The following PRR14L variants were observed in gnomAD, a reference collection of about 807,000 sequenced individuals.
PRR14L encodes the protein proline rich 14 like.
A neutral mutation model predicts 155.0 loss-of-function variants in PRR14L; 80 were observed. That is an observed-to-expected ratio of 0.52 (90% confidence interval 0.43 to 0.62). PRR14L has a LOEUF of 0.62. PRR14L is among the 20% of genes least tolerant of loss of function. The pLI is 0.00. For synonymous variants in PRR14L, 883 were observed against 916.0 expected (o/e 0.96, Z 0.65); for missense variants, 2,469 against 2,548.0 (o/e 0.97, Z 0.67).
intron 7 of PRR14L, among the ~76,000 whole-genome samples, chr22:31,700,921 T>C (rs2074559719): frequency 2.6e-5 from 4 of 152,102 alleles, no homozygotes. Flanking sequence ...GAGAGACCAC[T>C]GTCAGGCTTC....
chr22:31,721,801 A>C (rs1308516174), intron 3 of PRR14L, among the ~76,000 whole-genome samples: 1 of 152,206 alleles, frequency 6.6e-6, no homozygotes, highest in African/African-American at 2.4e-5. Context: ...ATATACCCCC[A>C]AACCATGCAC....
At chr22:31,733,387 C>CTCCGCCTTCCACGT (rs131249) in intron 2 of PRR14L, among the ~76,000 whole-genome samples, 3 of 146,826 alleles carry the variant, frequency 2.0e-5, no homozygotes, top group Non-Finnish European at 3.0e-5. Context: ...TCACTGCAAC[C>CTCCGCCTTCCACGT]TCCGCCTTTG....
chr22:31,738,744 G>A lies in PRR14L; in HGVS notation c.117C>T (p.Asp39=), dbSNP rs757006242. ...PVSVSRELHA[D]PEPSVIPDVK... ...CATCTGGAATCACACTTGGCTCAGG[G>A]TCAGCATGAAGCTCTCTGGAGACAC... The change falls in exon 2 of 9, where the codon GAC becomes GAT. Residue 39 remains aspartate (D), a synonymous_variant. Coordinates refer to ENST00000327423, the MANE Select transcript of PRR14L (RefSeq NM_173566.3). 5 of 1,551,908 alleles carry A rather than the reference G, an allele frequency of 3.2e-6. No individual in the cohort carries two copies. In the South Asian group the frequency reaches 4.8e-5, roughly 15 times the overall value.
At chr22:31,687,061 G>A (rs911850565) in intron 8 of PRR14L, among the ~76,000 whole-genome samples, 2 of 152,082 alleles carry the variant, frequency 1.3e-5, no homozygotes, top group African/African-American at 4.8e-5. Context: ...TTTTGAGATG[G>A]AGTTTCGCTC....
intron 2 of PRR14L, among the ~76,000 whole-genome samples, chr22:31,737,149 T>C (rs1336369640): frequency 6.6e-6 from 1 of 150,938 alleles, no homozygotes; most frequent in African/African-American, 2.4e-5. Context: ...AACCACCCTG[T>C]GGAGAGAGTC....
At chr22:31,707,353 C>T (rs1468490172) in intron 4 of PRR14L, among the ~76,000 whole-genome samples, 2 of 147,726 alleles carry the variant, frequency 1.4e-5, no homozygotes, top group Non-Finnish European at 3.0e-5. Flanking sequence ...ATCCTAACCT[C>T]AGGAACAAAC....
chr22:31,708,890 A>T (rs990730264), intron 4 of PRR14L, among the ~76,000 whole-genome samples: 1 of 151,832 alleles, frequency 6.6e-6, no homozygotes, highest in Admixed American at 6.6e-5. Context: ...GCAATGGTGC[A>T]ATCTCGGCTC....
Position 31,698,783 on chromosome 22 carries a change from G to C in PRR14L, c.6107+2873C>G, listed in dbSNP as rs189906807. ...AAAAAATACAAAAAATTAGCCGGGC[G>C]TACTGGCGGGCGCCTGTAGTCCCAG... On this transcript the variant is annotated intron_variant, in intron 7 of 8. Coordinates refer to ENST00000327423, the MANE Select transcript of PRR14L (RefSeq NM_173566.3). Among the ~76,000 whole-genome samples the C allele has an allele frequency of 7.9e-4, 120 of 151,562 alleles. 1 individual carries two copies. The highest frequency in any genetic ancestry group is 1.5e-3 in the Non-Finnish European group (101 of 67,838).
chr22:31,690,119 A>G, intron 7 of PRR14L, among the ~76,000 whole-genome samples: 1 of 152,062 alleles, frequency 6.6e-6, no homozygotes, highest in East Asian at 1.9e-4. Context: ...GTATCACCAC[A>G]TTGGCCAGAC....
At chr22:31,698,272 G>T (rs576762976) in intron 7 of PRR14L, among the ~76,000 whole-genome samples, 1 of 151,860 alleles carries the variant, frequency 6.6e-6, no homozygotes, top group African/African-American at 2.4e-5. Flanking sequence ...TGATATACCC[G>T]CCTTGGCCTC....
At chr22:31,697,504 T>A (rs2074541295) in intron 7 of PRR14L, among the ~76,000 whole-genome samples, 1 of 152,090 alleles carries the variant, frequency 6.6e-6, no homozygotes, top group African/African-American at 2.4e-5. Context: ...TTTAATTATA[T>A]ACAATATTTT....
chr22:31,730,518 T>C (rs2074743419), intron 2 of PRR14L, among the ~76,000 whole-genome samples: 1 of 152,182 alleles, frequency 6.6e-6, no homozygotes, highest in Non-Finnish European at 1.5e-5. Context: ...GGCAGTGTCC[T>C]ATCAGGAGGC....
chr22:31,748,312 G>T (rs1459852486), intron 1 of PRR14L, among the ~76,000 whole-genome samples: 1 of 152,202 alleles, frequency 6.6e-6, no homozygotes, highest in Non-Finnish European at 1.5e-5. Context: ...GTGAGGCAGG[G>T]AAGTTCATAC....
intron 1 of PRR14L, among the ~76,000 whole-genome samples, chr22:31,739,781 CA>C (rs2074802608): frequency 6.6e-6 from 1 of 152,202 alleles, no homozygotes; most frequent in African/African-American, 2.4e-5. Context: ...ATGGAAGTAA[CA>C]GGTTATTTGC....
chr22:31,690,004 C>T (rs1035505052), intron 7 of PRR14L, among the ~76,000 whole-genome samples: 2 of 150,126 alleles, frequency 1.3e-5, no homozygotes, highest in Non-Finnish European at 2.9e-5. Context: ...GCAACCTCTA[C>T]CTCCCGGGTT....
At chr22:31,687,971 G>A (rs1287036894) in intron 8 of PRR14L, among the ~76,000 whole-genome samples, 185 bp downstream of exon 8, 1 of 150,446 alleles carries the variant, frequency 6.6e-6, no homozygotes, top group African/African-American at 2.5e-5. Context: ...GGCGGAGCTT[G>A]CAGTGAGCCG....
In PRR14L at chr22:31,712,070, G is replaced by A. The variant is rs1169428008; in HGVS notation, c.5756+13C>T. The A allele has an allele frequency of 1.3e-6, 2 of 1,596,604 alleles. No homozygotes were observed. The highest frequency in any genetic ancestry group is 1.7e-5 in the Admixed American group (1 of 57,220). On this transcript the variant is annotated intron_variant, in intron 4 of 8. Transcript: ENST00000327423. Reference sequence around the variant, plus strand: ...ATATGGGACATTTGTAAAGAACAGGGGACAGATTTTACCTGCTTGTGGTGC... The same window carrying A: ...ATATGGGACATTTGTAAAGAACAGGAGACAGATTTTACCTGCTTGTGGTGC...
rs925676927 is a variant in PRR14L at position 31,704,583 on chromosome 22, C to T, written c.5828+72G>A. The T allele has an allele frequency of 3.2e-6, 4 of 1,245,324 alleles. No homozygotes were observed. The Admixed American group carries it at 5.3e-5, about 16-fold the overall frequency. 77.1% of individuals were successfully genotyped at this position (1,245,324 alleles called of 1,614,324 possible). A position where few individuals can be genotyped will look rare whatever the true frequency, so the allele number is the denominator to read the frequency against. On this transcript the variant is annotated intron_variant, in intron 5 of 8. Coordinates refer to ENST00000327423, the MANE Select transcript of PRR14L (RefSeq NM_173566.3). The stretch of plus-strand genomic sequence containing the variant: ...TCATGCCACAGACGATCCACACCAC[C>T]TATGTATGCACTCTCTCTCTTGCAC...
intron 6 of PRR14L, 58 bp from the exon 7 acceptor site, chr22:31,701,820 T>C: frequency 1.4e-6 from 2 of 1,385,982 alleles, no homozygotes; most frequent in African/African-American, 1.4e-5. Context: ...TATTTATATA[T>C]TTTTTGAGAC....
Sources: gnomAD v4.1 joint callset for allele counts (sites outside exome capture counted in the v4.1 genomes callset) on GRCh38, gnomAD v4.1.1 for gene constraint, MANE v1.5 for transcripts, NCBI Gene and HGNC (gene_info 2026-07-23, HGNC 2026-07-21) for gene names.